The following MTUS1 variants were observed in gnomAD, a reference collection of about 807,000 sequenced individuals.
MTUS1 encodes microtubule associated scaffold protein 1.
A neutral mutation model predicts 120.8 loss-of-function variants in MTUS1; 109 were observed. The observed-to-expected ratio is 0.90, with a 90% CI of 0.77 to 1.06. The LOEUF (loss-of-function observed/expected upper bound fraction) is 1.06. Among genes scored for constraint, MTUS1 ranks in the 50% least tolerant of loss-of-function variants. MTUS1 has a pLI of 0.00. For synonymous variants in MTUS1, 737 were observed against 550.5 expected (o/e 1.34, Z -4.74); for missense variants, 2,210 against 1,486.3 (o/e 1.49, Z -8.01).
intron 1 of MTUS1, among the ~76,000 whole-genome samples, chr8:17,765,283 C>T (rs887857500): frequency 1.4e-4 from 21 of 152,234 alleles, no homozygotes; most frequent in African/African-American, 5.1e-4. Context: ...CAGCCCTGTT[C>T]CTAACAGGCC....
At position 17,723,730 on chromosome 8, in the gene MTUS1, T is replaced by G. The variant is rs2046000031; in HGVS notation, c.2391A>C (p.Thr797=). The change falls in exon 4 of 15, where the codon ACA becomes ACC. Residue 797 remains threonine (T), a synonymous_variant. Coordinates refer to ENST00000693296, the MANE Select transcript of MTUS1 (RefSeq NM_001363059.2). Reference sequence around the variant, plus strand: ...TGCTGGCTATTGAGGGGGTGCTTCCTGTCCTCCGCAGCGCAGGACTTTTCA... The same window carrying G: ...TGCTGGCTATTGAGGGGGTGCTTCCGGTCCTCCGCAGCGCAGGACTTTTCA... ...ASLKSPALRR[T]GSTPSIASTH... 6.2e-7 allele frequency: 1 copy of G among 1,610,822 alleles called. No homozygotes were observed. The highest frequency in any genetic ancestry group is 1.3e-5 in the African/African-American group (1 of 74,846).
At chr8:17,783,115 C>A (rs1033305293) in intron 1 of MTUS1, among the ~76,000 whole-genome samples, 1 of 152,068 alleles carries the variant, frequency 6.6e-6, no homozygotes, top group Non-Finnish European at 1.5e-5. Context: ...CCCTTAAGAA[C>A]GCAATGAGGA....
intron 13 of MTUS1, 119 bp from the exon 14 acceptor site, chr8:17,647,198 A>C (rs1051487894): frequency 4.3e-6 from 3 of 705,654 alleles, no homozygotes; most frequent in Non-Finnish European, 7.1e-6. Context: ...ATGCAATTCC[A>C]TATTAAAATA....
intron 6 of MTUS1, among the ~76,000 whole-genome samples, chr8:17,695,637 C>G (rs1438749093): frequency 6.6e-6 from 1 of 152,126 alleles, no homozygotes. Flanking sequence ...CTTAGAATGT[C>G]TACTACTAGA....
intron 1 of MTUS1, among the ~76,000 whole-genome samples, chr8:17,789,694 A>G (rs1240873933): frequency 2.6e-5 from 4 of 152,176 alleles, no homozygotes; most frequent in Admixed American, 2.6e-4. Context: ...ATGATTACCT[A>G]TGTTAGGCTT....
intron 6 of MTUS1, among the ~76,000 whole-genome samples, chr8:17,711,289 T>G (rs1821249125): frequency 6.6e-6 from 1 of 152,224 alleles, no homozygotes; most frequent in South Asian, 2.1e-4. Flanking sequence ...TCACCTACAC[T>G]GAATGTCTGT....
rs1464928521 is a variant in MTUS1 at position 17,673,759 on chromosome 8, CAA to C, written c.2905+1425_2905+1426del. Among the ~76,000 whole-genome samples the C allele has an allele frequency of 1.3e-5, 2 of 152,140 alleles. 1 individual carries two copies. Among genetic ancestry groups the C allele is most frequent in the South Asian group, 4.1e-4 (2 of 4,828 alleles). Reference sequence around the variant, plus strand: ...TGTGAGCTACCACACCCAGCCCAGACAAAGTCTTGACCCCACGTTCACTGCCG... The same window carrying C: ...TGTGAGCTACCACACCCAGCCCAGACAGTCTTGACCCCACGTTCACTGCCG... On this transcript the variant is annotated intron_variant, in intron 8 of 14. Coordinates refer to ENST00000693296, the MANE Select transcript of MTUS1 (RefSeq NM_001363059.2).
intron 1 of MTUS1, among the ~76,000 whole-genome samples, chr8:17,790,612 G>A (rs2051697867): frequency 6.6e-6 from 1 of 152,108 alleles, no homozygotes; most frequent in South Asian, 2.1e-4. Flanking sequence ...TTAACATTCG[G>A]CTTTACGTTC....
At chr8:17,759,550 AG>A (rs1224016135) in intron 1 of MTUS1, among the ~76,000 whole-genome samples, 1 of 149,660 alleles carries the variant, frequency 6.7e-6, no homozygotes, top group African/African-American at 2.4e-5. Context: ...ATATTTAAAA[AG>A]GGGGCAGGAT....
At chr8:17,675,696 T>C (rs1812963141) in intron 7 of MTUS1, among the ~76,000 whole-genome samples, 1 of 152,208 alleles carries the variant, frequency 6.6e-6, no homozygotes, top group South Asian at 2.1e-4. Context: ...TAAAAAAGTT[T>C]CGTTACAATG....
At chr8:17,703,846 G>C (rs1363355168) in intron 6 of MTUS1, 1 of 152,146 alleles carries the variant, frequency 6.6e-6, no homozygotes, top group African/African-American at 2.4e-5. Context: ...TTTTGCTCTG[G>C]TCCTGTTTCC....
At chr8:17,691,990 G>C (rs1242814306) in intron 6 of MTUS1, 4 of 152,166 alleles carry the variant, frequency 2.6e-5, no homozygotes, top group African/African-American at 4.8e-5. Context: ...AAAATAACTT[G>C]AAAGTTTAAT....
Position 17,755,109 on chromosome 8 carries a change from G to A in MTUS1, c.699C>T (p.Val233=). Residue 233 remains valine (V), a synonymous_variant, in exon 2 of 15, where the codon GTC becomes GTT. Transcript: ENST00000693296. ...TCATGTCTTGGGCTTCTGATGGTGT[G>A]ACTTGAGGGTTTTCAAAGCTTTCTC... ...YDRESFENPQ[V]TPSEAQDMTY... 6.2e-7 allele frequency: 1 copy of A among 1,613,980 alleles called. No homozygotes were observed. Among genetic ancestry groups the A allele is most frequent in the Non-Finnish European group, 8.5e-7 (1 of 1,180,032 alleles).
At chr8:17,735,504 G>A (rs1344631787) in intron 3 of MTUS1, among the ~76,000 whole-genome samples, 5 of 152,084 alleles carry the variant, frequency 3.3e-5, no homozygotes, top group African/African-American at 4.8e-5. Context: ...CATTGACCCC[G>A]GGACACGTCT....
intron 3 of MTUS1, among the ~76,000 whole-genome samples, chr8:17,740,852 A>G (rs961078143): frequency 6.6e-6 from 1 of 152,038 alleles, no homozygotes; most frequent in Non-Finnish European, 1.5e-5. Context: ...TACTGAGGAC[A>G]GTTCCAGTGT....
At chr8:17,652,819 G>C (rs185067901) in intron 12 of MTUS1, among the ~76,000 whole-genome samples, 2 of 149,682 alleles carry the variant, frequency 1.3e-5, no homozygotes, top group Admixed American at 1.3e-4. Flanking sequence ...CTGAGTGACA[G>C]AGTGAGACTC....
chr8:17,645,875 G>A lies in MTUS1; in HGVS notation c.*51C>T. On this transcript the variant is annotated 3_prime_UTR_variant, in exon 15 of 15. Transcript: ENST00000693296. ...CACGTTCCTCCTTGGGGTCAGTCCTGCAGACCTGCATCAAAATGCTTTCAG... is the reference window on the plus strand; with the variant it reads ...CACGTTCCTCCTTGGGGTCAGTCCTACAGACCTGCATCAAAATGCTTTCAG... 6.4e-7 allele frequency: 1 copy of A among 1,571,372 alleles called. No homozygotes were observed. Among genetic ancestry groups the A allele is most frequent in the South Asian group, 1.2e-5 (1 of 84,836 alleles).
upstream of MTUS1, chr8:17,801,232 G>A (rs1339782120): frequency 6.6e-6 from 1 of 151,446 alleles, no homozygotes; most frequent in Non-Finnish European, 1.5e-5. Context: ...GCTACCAGGC[G>A]GGACCCGGAG....
chr8:17,676,229 A>G, intron 7 of MTUS1: 2 of 702,960 alleles, frequency 2.8e-6, no homozygotes, highest in South Asian at 3.0e-5. Flanking sequence ...CCTCTGCAGT[A>G]GTCCTGACAT....
Sources: allele counts gnomAD v4.1 joint callset (sites outside exome capture counted in the v4.1 genomes callset), GRCh38; gene constraint gnomAD v4.1.1; transcripts MANE v1.5; gene names NCBI Gene and HGNC (gene_info 2026-07-23, HGNC 2026-07-21).